CCN4: variants seen among roughly 807,000 people sequenced by gnomAD.
CCN4 encodes the protein CCN family member 4.
In CCN4, 30 loss-of-function variants were observed where a neutral mutation model predicts 36.7. The ratio of observed to expected loss-of-function variants is 0.82; its 90% confidence interval spans 0.61 to 1.11. The LOEUF is 1.11. Among genes scored for constraint, CCN4 ranks in the 50% least tolerant of loss-of-function variants. The pLI is 0.00. For missense variants in CCN4, 505 were observed against 504.9 expected (o/e 1.00, Z 0.00); for synonymous variants, 191 against 195.4 (o/e 0.98, Z 0.19).
chr8:133,202,685 AAGG>A (rs1853630585), intron 1 of CCN4, among the ~76,000 whole-genome samples: 1 of 152,014 alleles, frequency 6.6e-6, no homozygotes, highest in Admixed American at 6.6e-5. Flanking sequence ...GCGGTGGGGG[AAGG>A]AGGAGGATGT....
chr8:133,194,089 G>C (rs1359851211), intron 1 of CCN4, among the ~76,000 whole-genome samples: 1 of 79,210 alleles, frequency 1.3e-5, no homozygotes, highest in Non-Finnish European at 3.5e-5. Context: ...GTGTAATTCA[G>C]CAAACGAAAG....
At position 133,220,703 on chromosome 8, in the gene CCN4, C is replaced by T. The variant is rs758154923; in HGVS notation, c.472C>T (p.Leu158Phe). 10 of 1,613,716 alleles carry T rather than the reference C, an allele frequency of 6.2e-6. No homozygotes were observed. Among genetic ancestry groups the T allele is most frequent in the Admixed American group, 5.0e-5 (3 of 60,002 alleles). The change falls in exon 3 of 5, where the codon CTC becomes TTC. Residue 158 changes from leucine to phenylalanine, a missense_variant. Physicochemically the swap from Leu to Phe is conservative, Grantham distance 22. Transcript: ENST00000250160. Reference sequence around the variant, plus strand: ...CGCGGTGGGCTGCACACCACTGTGCCTCCGAGTGCGCCCCCCGCGTCTCTG... The same window carrying T: ...CGCGGTGGGCTGCACACCACTGTGCTTCCGAGTGCGCCCCCCGCGTCTCTG... ...DGAVGCTPLC[L>F]RVRPPRLWCP...
At chr8:133,222,308 G>A (rs1020275442) in intron 3 of CCN4, among the ~76,000 whole-genome samples, 9 of 152,040 alleles carry the variant, frequency 5.9e-5, no homozygotes, top group Admixed American at 2.0e-4. Flanking sequence ...GAAGAAAGAG[G>A]GACAGAGGCT....
rs757060454 is a variant in CCN4 at position 133,213,073 on chromosome 8, T to C, written c.279T>C (p.Cys93=). 1 of 1,614,118 alleles carries C rather than the reference T, an allele frequency of 6.2e-7. No individual in the cohort carries two copies. Among genetic ancestry groups the C allele is most frequent in the East Asian group, 2.2e-5 (1 of 44,876 alleles). Residue 93 remains cysteine, a synonymous_variant, in exon 2 of 5, where the codon TGT becomes TGC. Transcript: ENST00000250160. ...LGDNCTEAAI[C]DPHRGLYCDY... is the part of the protein sequence containing the mutation. ...ACAACTGCACGGAGGCTGCCATCTGTGACCCCCACCGGGGCCTCTACTGTG... is the reference window on the plus strand; with the variant it reads ...ACAACTGCACGGAGGCTGCCATCTGCGACCCCCACCGGGGCCTCTACTGTG...
rs1180084737 is a variant in CCN4 at position 133,227,394 on chromosome 8, C to G, written c.805-17C>G. On this transcript the variant is annotated splice_polypyrimidine_tract_variant and intron_variant, in intron 4 of 4. Coordinates refer to ENST00000250160, the MANE Select transcript of CCN4 (RefSeq NM_003882.4). ...TCTCTGAGCACTCCCACTGAAAGCT[C>G]CTTTCCTTTCCTTCAGGCAGGGAAG... 2.5e-6 allele frequency: 4 copies of G among 1,596,372 alleles called. No individual in the cohort carries two copies. The highest frequency in any genetic ancestry group is 1.1e-5 in the South Asian group (1 of 88,782).
At chr8:133,205,845 C>T (rs1187389970) in intron 1 of CCN4, among the ~76,000 whole-genome samples, 1 of 152,162 alleles carries the variant, frequency 6.6e-6, no homozygotes, top group Non-Finnish European at 1.5e-5. Flanking sequence ...AAAAAGATTC[C>T]TCTAAATGTT....
At chr8:133,226,748 T>C (rs1854750871) in intron 4 of CCN4, among the ~76,000 whole-genome samples, 1 of 152,180 alleles carries the variant, frequency 6.6e-6, no homozygotes, top group African/African-American at 2.4e-5. Context: ...GCAAGCTTCA[T>C]GCCGCCATAC....
At chr8:133,219,425 C>T (rs73711819) in intron 2 of CCN4, among the ~76,000 whole-genome samples, 470 of 152,310 alleles carry the variant, frequency 3.1e-3, no homozygotes, top group African/African-American at 0.011. Flanking sequence ...CTTTGCTGAG[C>T]GTCATCACCC....
At chr8:133,208,053 A>G (rs1036368178) in intron 1 of CCN4, among the ~76,000 whole-genome samples, 1 of 151,624 alleles carries the variant, frequency 6.6e-6, no homozygotes, top group South Asian at 2.1e-4. Context: ...AAAAACATTA[A>G]CTGAAACAGT....
intron 1 of CCN4, among the ~76,000 whole-genome samples, chr8:133,204,826 G>A (rs974047801): frequency 1.3e-5 from 2 of 152,214 alleles, no homozygotes; most frequent in African/African-American, 4.8e-5. Context: ...AAACAGCTGG[G>A]ATTACAGGTG....
intron 2 of CCN4, among the ~76,000 whole-genome samples, chr8:133,220,210 C>G (rs949536906): frequency 6.6e-6 from 1 of 151,992 alleles, no homozygotes; most frequent in Non-Finnish European, 1.5e-5. Flanking sequence ...TTTTACAAGT[C>G]GGTCACCTTC....
At chr8:133,215,581 G>T (rs992779142) in intron 2 of CCN4, among the ~76,000 whole-genome samples, 2 of 152,174 alleles carry the variant, frequency 1.3e-5, no homozygotes, top group African/African-American at 4.8e-5. Flanking sequence ...TGCCTGTCCT[G>T]CCTGCCTTCC....
At chr8:133,209,651 T>C (rs912323198) in intron 1 of CCN4, among the ~76,000 whole-genome samples, 84 of 152,224 alleles carry the variant, frequency 5.5e-4, no homozygotes, top group African/African-American at 1.9e-3. Flanking sequence ...GGATGGATAG[T>C]GATCCCAGGA....
At chr8:133,214,219 T>G (rs1051265954) in intron 2 of CCN4, among the ~76,000 whole-genome samples, 2 of 148,578 alleles carry the variant, frequency 1.3e-5, no homozygotes, top group African/African-American at 2.5e-5. Context: ...TGCCTTGATA[T>G]ATCAATTTTT....
intron 1 of CCN4, among the ~76,000 whole-genome samples, chr8:133,203,725 G>A (rs1050784098): frequency 6.6e-6 from 1 of 152,118 alleles, no homozygotes; most frequent in African/African-American, 2.4e-5. Context: ...CAAATTCCAT[G>A]CCCTGTTCAC....
At chr8:133,211,675 C>A (rs553171134) in intron 1 of CCN4, among the ~76,000 whole-genome samples, 1 of 152,330 alleles carries the variant, frequency 6.6e-6, no homozygotes, top group Admixed American at 6.5e-5. Flanking sequence ...CCCAGCCAGC[C>A]CCCTGTCCCA....
chr8:133,191,336 C>CT, intron 1 of CCN4, 123 bp downstream of exon 1: 2 of 1,178,994 alleles, frequency 1.7e-6, no homozygotes, highest in Non-Finnish European at 2.3e-6. Context: ...AAGGTGGCCA[C>CT]TTACAGGGCA....
At chr8:133,210,216 G>C (rs960282210) in intron 1 of CCN4, among the ~76,000 whole-genome samples, 4 of 152,136 alleles carry the variant, frequency 2.6e-5, no homozygotes, top group African/African-American at 9.7e-5. Flanking sequence ...AGTGAGCGAG[G>C]TAAGGGCAGG....
At chr8:133,210,926 G>A (rs1252180662) in intron 1 of CCN4, among the ~76,000 whole-genome samples, 2 of 152,208 alleles carry the variant, frequency 1.3e-5, no homozygotes, top group African/African-American at 2.4e-5. Flanking sequence ...GCATCGCAGC[G>A]GCCTTGAGGT....
Sources: gnomAD v4.1 joint callset for allele counts (sites outside exome capture counted in the v4.1 genomes callset) on GRCh38, gnomAD v4.1.1 for gene constraint, MANE v1.5 for transcripts, NCBI Gene and HGNC (gene_info 2026-07-23, HGNC 2026-07-21) for gene names.